ALOX5: variants seen among roughly 807,000 people sequenced by gnomAD.
The protein encoded by ALOX5 is polyunsaturated fatty acid 5-lipoxygenase.
ALOX5 carries 64 observed loss-of-function variants against 87.9 expected under a neutral mutation model. The ratio of observed to expected loss-of-function variants is 0.73; its 90% CI spans 0.60 to 0.90. ALOX5 has a LOEUF of 0.90. Among genes scored for constraint, ALOX5 ranks in the 40% least tolerant of loss-of-function variants. The pLI, the probability that ALOX5 is intolerant of heterozygous loss-of-function variation, is 0.00. For synonymous variants in ALOX5, 388 were observed against 355.1 expected, an observed-to-expected ratio of 1.09 and a Z score of -1.04; for missense variants, 822 against 907.5, an observed-to-expected ratio of 0.91 and a Z score of 1.21.
At chr10:45,412,567 C>A (rs1457990443) in intron 4 of ALOX5, among the ~76,000 whole-genome samples, 1 of 152,188 alleles carries the variant, frequency 6.6e-6, no homozygotes, top group South Asian at 2.1e-4. Context: ...AAGCAGGGGT[C>A]TTTAGTTGGA....
intron 6 of ALOX5, among the ~76,000 whole-genome samples, chr10:45,427,423 C>T (rs1564441001): frequency 6.6e-6 from 1 of 152,232 alleles, no homozygotes; most frequent in Non-Finnish European, 1.5e-5. Flanking sequence ...CTTCCCCCGC[C>T]CATCGCGACA....
chr10:45,391,536 G>A (rs1043974569), intron 2 of ALOX5, among the ~76,000 whole-genome samples: 4 of 151,696 alleles, frequency 2.6e-5, no homozygotes, highest in African/African-American at 4.9e-5. Flanking sequence ...AGTGAGGAGC[G>A]TCTCTGCCTG....
chr10:45,378,875 C>T (rs1839726567), intron 1 of ALOX5, among the ~76,000 whole-genome samples: 1 of 152,176 alleles, frequency 6.6e-6, no homozygotes, highest in South Asian at 2.1e-4. Flanking sequence ...CTGGCCCCCT[C>T]CTGCTGTGGA....
At position 45,374,242 on chromosome 10, in the gene ALOX5, CG is replaced by C; in HGVS notation, c.-37del. On this transcript the variant is annotated 5_prime_UTR_variant, in exon 1 of 14. Transcript: ENST00000374391. ...GATGCGGACACCTGGACCGCCGCGC[CG>C]AGGCTCCCGGCGCTCGCTGCTCCCG... 1.4e-6 allele frequency: 2 copies of C among 1,447,452 alleles called. No individual in the cohort carries two copies. The highest frequency in any genetic ancestry group is 1.4e-5 in the South Asian group (1 of 73,316). The allele number at this position is 1,447,452 out of a possible 1,614,324, so 89.7% of individuals were successfully genotyped here. A position where few individuals can be genotyped will look rare whatever the true frequency, so the allele number is the denominator to read the frequency against.
Position 45,443,216 on chromosome 10 carries a change from C to T in ALOX5, c.1451C>T (p.Thr484Met), listed in dbSNP as rs919678209. 6.2e-6 allele frequency: 10 copies of T among 1,612,140 alleles called. No homozygotes were observed. In the African/African-American group the frequency reaches 1.1e-4, roughly 17 times the overall value. ...CTCCTGGTGTGGGAAGCCATCAGGA[C>T]GTGAGCGCCCGCGGGGCGGTGGTCC... ...DGLLVWEAIRTFTAEVVDIYY... is the reference protein window; with the variant it reads ...DGLLVWEAIRMFTAEVVDIYY... Residue 484 changes from threonine (T) to methionine (M), a missense_variant and splice_region_variant, in exon 10 of 14, where the codon ACG becomes ATG. Thr to Met is a moderately conservative substitution (Grantham distance 81). Transcript: ENST00000374391.
intron 2 of ALOX5, among the ~76,000 whole-genome samples, chr10:45,391,462 G>A (rs981153207): frequency 6.6e-6 from 1 of 152,232 alleles, no homozygotes; most frequent in East Asian, 2.0e-4. Context: ...CCTCCCAGCC[G>A]CCTGCCTTGG....
At chr10:45,444,444 GT>G in intron 13 of ALOX5, 158 bp downstream of exon 13, 1 of 1,042,642 alleles carries the variant, frequency 9.6e-7, no homozygotes, top group Non-Finnish European at 1.3e-6. Flanking sequence ...CCGCCACCAG[GT>G]CCCCCGGCCT....
intron 4 of ALOX5, among the ~76,000 whole-genome samples, chr10:45,421,627 G>A (rs901985528): frequency 1.3e-5 from 2 of 152,222 alleles, no homozygotes; most frequent in African/African-American, 4.8e-5. Context: ...GCTGAAAGAA[G>A]CTTCTCTGGG....
At chr10:45,379,149 T>G (rs1839739538) in intron 1 of ALOX5, among the ~76,000 whole-genome samples, 1 of 152,126 alleles carries the variant, frequency 6.6e-6, no homozygotes, top group Non-Finnish European at 1.5e-5. Flanking sequence ...TGCCCAGTCC[T>G]GGAATGCCTC....
At chr10:45,439,608 C>T in intron 7 of ALOX5, among the ~76,000 whole-genome samples, 1 of 152,168 alleles carries the variant, frequency 6.6e-6, no homozygotes, top group East Asian at 1.9e-4. Flanking sequence ...ATGGAGGGAC[C>T]TGGGGCTGGG....
At chr10:45,411,913 C>T (rs1002267645) in intron 3 of ALOX5, among the ~76,000 whole-genome samples, 1 of 152,170 alleles carries the variant, frequency 6.6e-6, no homozygotes, top group South Asian at 2.1e-4. Context: ...AGACTACCTA[C>T]AGAACTTTTT....
chr10:45,380,608 C>G (rs1470288080), intron 1 of ALOX5, among the ~76,000 whole-genome samples: 1 of 152,210 alleles, frequency 6.6e-6, no homozygotes, highest in Non-Finnish European at 1.5e-5. Flanking sequence ...GTTCTGCCGC[C>G]AGGGATAAAG....
intron 3 of ALOX5, among the ~76,000 whole-genome samples, chr10:45,404,732 T>G (rs1185457245): frequency 6.6e-6 from 1 of 152,220 alleles, no homozygotes; most frequent in Non-Finnish European, 1.5e-5. Flanking sequence ...CAAGCGACAG[T>G]GAGCTTTCTC....
At chr10:45,413,041 G>A (rs1042095475) in intron 4 of ALOX5, among the ~76,000 whole-genome samples, 11 of 152,136 alleles carry the variant, frequency 7.2e-5, no homozygotes, top group African/African-American at 2.4e-4. Flanking sequence ...TCAGTTTGGC[G>A]AAACTATTCC....
intron 4 of ALOX5, among the ~76,000 whole-genome samples, chr10:45,419,738 C>CAAAAGACAA (rs1441153196): frequency 3.7e-4 from 4 of 10,916 alleles, no homozygotes; most frequent in Admixed American, 1.1e-3. Context: ...GACCCTGTTT[C>CAAAAGACAA]AAAAGGCACC....
At position 45,412,262 on chromosome 10, in the gene ALOX5, T is replaced by C. The variant is rs1244894000; in HGVS notation, c.503T>C (p.Ile168Thr). 13 of 1,614,154 alleles carry C rather than the reference T, an allele frequency of 8.1e-6. No individual in the cohort carries two copies. The highest frequency in any genetic ancestry group is 6.8e-6 in the Non-Finnish European group (8 of 1,180,022). ...TGCCACAAGGATTTACCCCGTGATA[T>C]CCAGTTTGATAGTGAAAAAGGAGTG... Reference protein sequence around the residue: ...AKCHKDLPRDIQFDSEKGVDF... With the variant: ...AKCHKDLPRDTQFDSEKGVDF... The change falls in exon 4 of 14, where the codon ATC (isoleucine) becomes ACC (threonine). Residue 168 changes from isoleucine to threonine, a missense_variant. Ile to Thr is a moderately conservative substitution (Grantham distance 89, BLOSUM62 -1). Transcript: ENST00000374391.
chr10:45,445,711 G>A lies in ALOX5; in HGVS notation c.*24G>A. ...GAGCACACTGCCAGTCTCACTGTGG[G>A]AAGGCCAGCTGCCCCAGCCAGATGG... On this transcript the variant is annotated 3_prime_UTR_variant, in exon 14 of 14. Transcript: ENST00000374391. 6.3e-7 allele frequency: 1 copy of A among 1,594,198 alleles called. No individual in the cohort carries two copies.
In ALOX5 at chr10:45,426,742, G is replaced by A. The variant is rs3824614; in HGVS notation, c.834+1610G>A. On this transcript the variant is annotated intron_variant, in intron 6 of 13. Transcript: ENST00000374391. ...GCAATGCTAACTCATTTGGGACCAG[G>A]GCTCAGATCATCCCCTGCACTGTCT... Among the ~76,000 whole-genome samples the A allele has an allele frequency of 4.5e-3, 679 of 152,236 alleles. 14 individuals are homozygous for A. The East Asian group carries it at 0.059, about 13-fold the overall frequency.
chr10:45,414,939 G>T (rs954756827), intron 4 of ALOX5, among the ~76,000 whole-genome samples: 3 of 152,178 alleles, frequency 2.0e-5, no homozygotes, highest in African/African-American at 7.2e-5. Context: ...GAAACAACAG[G>T]TGCTGGAGAG....
Sources: gnomAD v4.1 joint callset for allele counts (sites outside exome capture counted in the v4.1 genomes callset) on GRCh38, gnomAD v4.1.1 for gene constraint, MANE v1.5 for transcripts, NCBI Gene and HGNC (gene_info 2026-07-23, HGNC 2026-07-21) for gene names.